The following KCNH5 variants were observed in gnomAD, a reference collection of about 807,000 sequenced individuals.
The protein encoded by KCNH5 is potassium voltage-gated channel subfamily H member 5.
In KCNH5, 46 loss-of-function variants were observed where a neutral mutation model predicts 96.1. The ratio of observed to expected loss-of-function variants is 0.48; its 90% CI spans 0.38 to 0.61. KCNH5 has a LOEUF of 0.61. Ranked by LOEUF, KCNH5 falls within the 20% of genes least tolerant of loss-of-function variation. The pLI is 0.00. For synonymous variants in KCNH5, 439 were observed against 449.8 expected (o/e 0.98, Z 0.30); for missense variants, 907 against 1,225.8 (o/e 0.74, Z 3.88).
intron 7 of KCNH5, among the ~76,000 whole-genome samples, chr14:62,946,928 G>A (rs1029018102): frequency 6.6e-6 from 1 of 152,110 alleles, no homozygotes; most frequent in African/African-American, 2.4e-5. Context: ...ATAGTTGGGG[G>A]AAATGGGTAG....
chr14:62,878,669 C>T (rs143167304), intron 7 of KCNH5, among the ~76,000 whole-genome samples: 363 of 152,268 alleles, frequency 2.4e-3, no homozygotes, highest in Non-Finnish European at 2.9e-3. Context: ...AGGTCCTTTA[C>T]ATTCATTTTC....
At chr14:62,841,437 A>G (rs1443317593) in intron 8 of KCNH5, among the ~76,000 whole-genome samples, 4 of 152,326 alleles carry the variant, frequency 2.6e-5, no homozygotes, top group African/African-American at 7.2e-5. Flanking sequence ...ACAAACACCT[A>G]CTCATACTAT....
At chr14:62,964,942 T>C (rs547841313) in intron 6 of KCNH5, among the ~76,000 whole-genome samples, 26 of 152,214 alleles carry the variant, frequency 1.7e-4, no homozygotes, top group Non-Finnish European at 3.1e-4. Context: ...GCAACGGTCT[T>C]GAATAAAGTC....
chr14:62,951,481 C>T (rs1465267986), intron 6 of KCNH5, among the ~76,000 whole-genome samples: 1 of 152,168 alleles, frequency 6.6e-6, no homozygotes, highest in Non-Finnish European at 1.5e-5. Flanking sequence ...CAGTCATTAC[C>T]TGCAAATCCA....
At chr14:62,899,982 A>G (rs1487331396) in intron 7 of KCNH5, among the ~76,000 whole-genome samples, 1 of 152,230 alleles carries the variant, frequency 6.6e-6, no homozygotes, top group Non-Finnish European at 1.5e-5. Flanking sequence ...ACTTCTAATT[A>G]TCGTTGGCCA....
intron 4 of KCNH5, among the ~76,000 whole-genome samples, chr14:62,999,977 G>A (rs1002340204): frequency 1.3e-5 from 2 of 152,010 alleles, no homozygotes; most frequent in African/African-American, 4.8e-5. Context: ...CTGAGTCTAT[G>A]TGTAAAGGAA....
At chr14:62,738,735 G>A (rs1885210688) in intron 10 of KCNH5, among the ~76,000 whole-genome samples, 1 of 152,136 alleles carries the variant, frequency 6.6e-6, no homozygotes, top group South Asian at 2.1e-4. Context: ...CAGGCACTGT[G>A]CCTAATGGAG....
At chr14:62,851,026 T>G (rs1470917436) in intron 7 of KCNH5, among the ~76,000 whole-genome samples, 1 of 152,182 alleles carries the variant, frequency 6.6e-6, no homozygotes, top group East Asian at 1.9e-4. Context: ...GTGAAGCAAC[T>G]TAAGATCTTT....
At chr14:62,959,103 A>T (rs1190828317) in intron 6 of KCNH5, among the ~76,000 whole-genome samples, 1 of 152,076 alleles carries the variant, frequency 6.6e-6, no homozygotes, top group African/African-American at 2.4e-5. Context: ...CTACCTTAAA[A>T]TCCTATTCAT....
At chr14:62,715,615 A>G (rs976233299) in intron 10 of KCNH5, among the ~76,000 whole-genome samples, 3 of 152,216 alleles carry the variant, frequency 2.0e-5, no homozygotes, top group African/African-American at 4.8e-5. Context: ...TAGGGTAACA[A>G]TGATGCATGA....
intron 7 of KCNH5, among the ~76,000 whole-genome samples, chr14:62,903,487 A>T (rs1175088019): frequency 6.6e-6 from 1 of 152,218 alleles, no homozygotes; most frequent in Non-Finnish European, 1.5e-5. Flanking sequence ...AGTTAAAGTA[A>T]ATATAGAAGA....
At chr14:62,836,598 T>C (rs1342615383) in intron 8 of KCNH5, among the ~76,000 whole-genome samples, 3 of 152,118 alleles carry the variant, frequency 2.0e-5, no homozygotes, top group African/African-American at 7.2e-5. Context: ...CTATTCTCAA[T>C]GCAGGCAAGA....
At chr14:62,901,736 A>G (rs1050000124) in intron 7 of KCNH5, among the ~76,000 whole-genome samples, 2 of 152,204 alleles carry the variant, frequency 1.3e-5, no homozygotes, top group African/African-American at 4.8e-5. Context: ...TCTTTTGAAA[A>G]TATACCCAGT....
intron 10 of KCNH5, among the ~76,000 whole-genome samples, chr14:62,762,881 A>G (rs961915854): frequency 4.6e-5 from 7 of 152,232 alleles, no homozygotes; most frequent in Non-Finnish European, 1.0e-4. Flanking sequence ...TAAAGCACTC[A>G]AATTCATAGA....
rs780101569 is a variant in KCNH5, at chr14:62,983,754, G to A, written c.550-2490C>T. On this transcript the variant is annotated intron_variant, in intron 5 of 10. Coordinates refer to ENST00000322893, the MANE Select transcript of KCNH5 (RefSeq NM_139318.5). Reference sequence around the variant, plus strand: ...ACTTATACCTAGACTCCACCCTGGAGAATGATTAAATTGGTCTTGTTTGGG... The same window carrying A: ...ACTTATACCTAGACTCCACCCTGGAAAATGATTAAATTGGTCTTGTTTGGG... 1.1e-3 allele frequency among the ~76,000 whole-genome samples: 174 copies of A among 152,168 alleles called. 5 individuals carry two copies. The highest frequency in any genetic ancestry group is 2.6e-4 in the Admixed American group (4 of 15,272).
chr14:62,971,935 C>T (rs1890416034), intron 6 of KCNH5, among the ~76,000 whole-genome samples: 1 of 151,972 alleles, frequency 6.6e-6, no homozygotes, highest in Non-Finnish European at 1.5e-5. Context: ...TCTAGATGAC[C>T]TTGAGTATGA....
intron 10 of KCNH5, among the ~76,000 whole-genome samples, chr14:62,764,046 A>G (rs552965266): frequency 1.3e-5 from 2 of 152,296 alleles, no homozygotes; most frequent in South Asian, 4.1e-4. Flanking sequence ...TCATTCTGAT[A>G]CCAAAACCTG....
At chr14:62,719,433 T>C (rs1441666061) in intron 10 of KCNH5, among the ~76,000 whole-genome samples, 1 of 152,210 alleles carries the variant, frequency 6.6e-6, no homozygotes, top group Admixed American at 6.5e-5. Flanking sequence ...ACTTTATGCC[T>C]GATAAAAGAA....
chr14:62,821,101 T>C (rs1566671695), intron 8 of KCNH5, among the ~76,000 whole-genome samples: 2 of 151,824 alleles, frequency 1.3e-5, no homozygotes, highest in Non-Finnish European at 2.9e-5. Flanking sequence ...AGATGGTATC[T>C]TGTTAAATTT....
Sources: allele counts gnomAD v4.1 joint callset (sites outside exome capture counted in the v4.1 genomes callset), GRCh38; gene constraint gnomAD v4.1.1; transcripts MANE v1.5; gene names NCBI Gene and HGNC (gene_info 2026-07-23, HGNC 2026-07-21).